Variants in MTREX observed in about 807,000 individuals in gnomAD.
MTREX encodes exosome RNA helicase MTR4.
In MTREX, 76 loss-of-function variants were observed where a neutral mutation model predicts 135.4. That is an observed-to-expected ratio of 0.56 (90% CI 0.47 to 0.68). MTREX has a LOEUF of 0.68. MTREX is among the 30% of genes least tolerant of loss of function. The pLI, the probability that MTREX is intolerant of heterozygous loss-of-function variation, is 0.00. For synonymous variants in MTREX, 404 were observed against 401.6 expected (o/e 1.01, Z -0.07); for missense variants, 920 against 1,262.1 (o/e 0.73, Z 4.11).
At chr5:55,410,347 A>G (rs1360066688) in intron 22 of MTREX, among the ~76,000 whole-genome samples, 177 bp from the exon 23 acceptor site, 2 of 152,162 alleles carry the variant, frequency 1.3e-5, no homozygotes, top group East Asian at 1.9e-4. Flanking sequence ...TGATTATATA[A>G]TATATTGGTA....
At chr5:55,343,126 T>C (rs1038677992) in intron 7 of MTREX, among the ~76,000 whole-genome samples, 1 of 152,194 alleles carries the variant, frequency 6.6e-6, no homozygotes, top group Non-Finnish European at 1.5e-5. Flanking sequence ...GAGTACATTG[T>C]ATTTATAGTG....
intron 13 of MTREX, 121 bp from the exon 14 acceptor site, chr5:55,353,047 T>C: frequency 1.9e-6 from 1 of 525,678 alleles, no homozygotes; most frequent in South Asian, 3.6e-5. Context: ...ATATTGTTTG[T>C]TATTTTTGTA....
At chr5:55,368,857 C>T (rs1750148497) in intron 16 of MTREX, among the ~76,000 whole-genome samples, 1 of 152,040 alleles carries the variant, frequency 6.6e-6, no homozygotes, top group South Asian at 2.1e-4. Context: ...GCTGGATGAT[C>T]TCAACACTCA....
At chr5:55,334,145 T>C (rs774840598) in intron 5 of MTREX, among the ~76,000 whole-genome samples, 1 of 152,022 alleles carries the variant, frequency 6.6e-6, no homozygotes, top group Non-Finnish European at 1.5e-5. Flanking sequence ...AGACAGCATA[T>C]TGGTGAGGGA....
At chr5:55,320,205 C>T (rs538304913) in intron 1 of MTREX, among the ~76,000 whole-genome samples, 1 of 150,724 alleles carries the variant, frequency 6.6e-6, no homozygotes, top group South Asian at 2.1e-4. Flanking sequence ...TTGTTTTACC[C>T]TTTATTAAAA....
chr5:55,370,207 G>A (rs1034160086), intron 16 of MTREX, among the ~76,000 whole-genome samples: 38 of 152,282 alleles, frequency 2.5e-4, no homozygotes, highest in Middle Eastern at 3.4e-3. Context: ...ATAGGCATGA[G>A]CCACTGTGCC....
intron 10 of MTREX, 73 bp downstream of exon 10, chr5:55,345,269 CTTAG>C: frequency 1.0e-6 from 1 of 1,004,376 alleles, no homozygotes; most frequent in Non-Finnish European, 1.5e-6. Flanking sequence ...TATTTTTTGT[CTTAG>C]TTTTTTTTTC....
intron 16 of MTREX, among the ~76,000 whole-genome samples, chr5:55,368,223 G>A (rs1476932876): frequency 6.6e-6 from 1 of 152,134 alleles, no homozygotes; most frequent in African/African-American, 2.4e-5. Context: ...GCCCAGGGGG[G>A]CAGATACTTG....
intron 5 of MTREX, among the ~76,000 whole-genome samples, chr5:55,338,357 C>A (rs1180283680): frequency 6.6e-6 from 1 of 152,038 alleles, no homozygotes; most frequent in East Asian, 1.9e-4. Context: ...TCCATTGTTT[C>A]TGATGAGAAG....
chr5:55,423,072 TG>T, intron 26 of MTREX, 90 bp downstream of exon 26: 1 of 899,518 alleles, frequency 1.1e-6, no homozygotes, highest in Non-Finnish European at 1.8e-6. Flanking sequence ...GAGGACGTTT[TG>T]AGATGTTCTT....
In MTREX at chr5:55,394,993, G is replaced by A. The variant is rs539231143; in HGVS notation, c.2182-2423G>A. On this transcript the variant is annotated intron_variant, in intron 19 of 26. Coordinates refer to ENST00000230640, the MANE Select transcript of MTREX (RefSeq NM_015360.5). The stretch of plus-strand genomic sequence containing the variant: ...GATTGCAGTGAACCGAGATCGCACC[G>A]CTGCACTCCAGCCTGGGTGGCAGAG... Among the ~76,000 whole-genome samples the A allele has an allele frequency of 1.9e-4, 28 of 150,840 alleles. No homozygotes were observed. The South Asian group carries it at 3.2e-3, about 17-fold the overall frequency.
intron 15 of MTREX, among the ~76,000 whole-genome samples, chr5:55,365,904 T>C (rs1750095511): frequency 6.6e-6 from 1 of 151,708 alleles, no homozygotes; most frequent in African/African-American, 2.4e-5. Flanking sequence ...GGCAGGAGAA[T>C]TGCTTGAACC....
chr5:55,423,910 A>G (rs999082617), intron 26 of MTREX: 1 of 152,214 alleles, frequency 6.6e-6, no homozygotes, highest in Non-Finnish European at 1.5e-5. Flanking sequence ...TCCACAGTTG[A>G]TAAATGTAGG....
intron 3 of MTREX, among the ~76,000 whole-genome samples, chr5:55,326,392 T>G (rs1488774155): frequency 6.6e-6 from 1 of 151,966 alleles, no homozygotes; most frequent in East Asian, 1.9e-4. Context: ...AGAGTGAGAC[T>G]CTGTCTCAAA....
At chr5:55,394,673 C>A (rs1750620506) in intron 19 of MTREX, among the ~76,000 whole-genome samples, 3 of 152,148 alleles carry the variant, frequency 2.0e-5, no homozygotes, top group Non-Finnish European at 2.9e-5. Context: ...CTTAACAGGC[C>A]ACAGACTGGT....
intron 1 of MTREX, among the ~76,000 whole-genome samples, chr5:55,313,374 G>A (rs1226984401): frequency 6.6e-6 from 1 of 152,076 alleles, no homozygotes; most frequent in Non-Finnish European, 1.5e-5. Flanking sequence ...CTGGGAGGTT[G>A]AGGCTGCAGG....
intron 3 of MTREX, 52 bp downstream of exon 3, chr5:55,324,250 T>C: frequency 7.5e-7 from 1 of 1,330,100 alleles, no homozygotes; most frequent in Non-Finnish European, 1.1e-6. Flanking sequence ...GATTTTTCTT[T>C]GGACTATCTA....
At chr5:55,359,779 G>A (rs975655036) in intron 15 of MTREX, among the ~76,000 whole-genome samples, 14 of 152,038 alleles carry the variant, frequency 9.2e-5, no homozygotes, top group African/African-American at 3.1e-4. Context: ...GAACAGAATC[G>A]GATTGCCAGA....
intron 16 of MTREX, among the ~76,000 whole-genome samples, chr5:55,376,061 C>T (rs377579908): frequency 6.6e-6 from 1 of 152,116 alleles, no homozygotes; most frequent in African/African-American, 2.4e-5. Flanking sequence ...ATAGTGGAGC[C>T]CCCAGTAGAC....
Sources: gnomAD v4.1 joint callset for allele counts (sites outside exome capture counted in the v4.1 genomes callset) on GRCh38, gnomAD v4.1.1 for gene constraint, MANE v1.5 for transcripts, NCBI Gene and HGNC (gene_info 2026-07-23, HGNC 2026-07-21) for gene names.